TJP1: variants seen among roughly 807,000 people sequenced by gnomAD.
TJP1 encodes the protein tight junction protein 1.
A neutral mutation model predicts 194.2 loss-of-function variants in TJP1; 43 were observed. The ratio of observed to expected loss-of-function variants is 0.22; its 90% CI spans 0.17 to 0.29. The LOEUF (loss-of-function observed/expected upper bound fraction) is 0.29. TJP1 is among the 10% of genes least tolerant of loss of function. The probability of loss-of-function intolerance (pLI) is 1.00; values close to 1 mark genes in which losing one functional copy is unlikely to be tolerated. For synonymous variants in TJP1, 801 were observed against 779.0 expected (o/e 1.03, Z -0.47); for missense variants, 1,971 against 2,185.7 (o/e 0.90, Z 1.96).
At chr15:29,833,881 A>ATATATATATATATATTTTTTTTTT (rs1555434000) in intron 2 of TJP1, among the ~76,000 whole-genome samples, 1 of 12,616 alleles carries the variant, frequency 7.9e-5, no homozygotes, top group Non-Finnish European at 1.4e-4. Context: ...ATATATATAT[A>ATATATATATATATATTTTTTTTTT]TTTTTTTTTT....
At chr15:29,722,871 C>T (rs541825622) in intron 18 of TJP1, among the ~76,000 whole-genome samples, 7 of 152,290 alleles carry the variant, frequency 4.6e-5, no homozygotes, top group South Asian at 4.1e-4. Context: ...GTGGAGTCAA[C>T]GGAGATTATT....
intron 1 of TJP1, among the ~76,000 whole-genome samples, chr15:29,808,445 A>G (rs1234608511): frequency 6.6e-6 from 1 of 152,204 alleles, no homozygotes; most frequent in Non-Finnish European, 1.5e-5. Context: ...CTTTGAAAAT[A>G]TATCAATCTG....
intron 2 of TJP1, among the ~76,000 whole-genome samples, chr15:29,954,965 A>T (rs1464300761): frequency 6.6e-6 from 1 of 152,036 alleles, no homozygotes; most frequent in Non-Finnish European, 1.5e-5. Flanking sequence ...CTGTAATCCC[A>T]GCTACTCAGG....
intron 2 of TJP1, among the ~76,000 whole-genome samples, chr15:29,938,714 A>C (rs1431753839): frequency 6.6e-6 from 1 of 152,264 alleles, no homozygotes; most frequent in Non-Finnish European, 1.5e-5. Flanking sequence ...TCGAACAATG[A>C]AAATAACTTT....
At chr15:29,935,656 T>C (rs534922575) in intron 2 of TJP1, among the ~76,000 whole-genome samples, 1 of 152,222 alleles carries the variant, frequency 6.6e-6, no homozygotes, top group African/African-American at 2.4e-5. Context: ...TGCCAATCTC[T>C]TAAATGCTCA....
At chr15:29,825,965 G>A (rs559415227), upstream of TJP1, among the ~76,000 whole-genome samples, 1 of 152,188 alleles carries the variant, frequency 6.6e-6, no homozygotes, top group African/African-American at 2.4e-5. Context: ...ATTTTAAAAC[G>A]ATCTTAGAGG....
chr15:29,928,571 C>G, intron 2 of TJP1, among the ~76,000 whole-genome samples: 1 of 152,190 alleles, frequency 6.6e-6, no homozygotes, highest in East Asian at 1.9e-4. Context: ...GAGACATAGA[C>G]AAGATAACTC....
intron 8 of TJP1, among the ~76,000 whole-genome samples, chr15:29,746,444 T>C (rs749249850): frequency 6.6e-6 from 1 of 151,518 alleles, no homozygotes; most frequent in Non-Finnish European, 1.5e-5. Flanking sequence ...GATTACAGAA[T>C]ACATATAGCA....
chr15:29,740,780 C>T (rs1003693455), intron 10 of TJP1, among the ~76,000 whole-genome samples: 1 of 152,052 alleles, frequency 6.6e-6, no homozygotes, highest in Non-Finnish European at 1.5e-5. Context: ...TTTTGGGTTG[C>T]TAACTACCCT....
intron 1 of TJP1, among the ~76,000 whole-genome samples, chr15:29,815,452 C>T (rs1251176865): frequency 6.6e-6 from 1 of 152,194 alleles, no homozygotes; most frequent in Non-Finnish European, 1.5e-5. Flanking sequence ...CATAAACTAT[C>T]TTTTTATTTA....
Position 29,706,432 on chromosome 15 carries a change from G to A in TJP1, c.4851-687C>T, listed in dbSNP as rs997765690. Among the ~76,000 whole-genome samples the A allele has an allele frequency of 5.3e-5, 8 of 152,082 alleles. No homozygotes were observed. The East Asian group carries it at 7.7e-4, about 15-fold the overall frequency. ...TGAAAATCTGAAATGCTCCAAAATC[G>A]GAAACTTTTTTTTGAGTGTCAAAAT... On this transcript the variant is annotated intron_variant, in intron 25 of 27. Coordinates refer to ENST00000614355, the MANE Select transcript of TJP1 (RefSeq NM_001330239.4).
chr15:29,758,110 C>T (rs962735269), intron 8 of TJP1, among the ~76,000 whole-genome samples: 1 of 152,180 alleles, frequency 6.6e-6, no homozygotes, highest in Non-Finnish European at 1.5e-5. Context: ...ATACATCTAA[C>T]CTACAAACTT....
intron 2 of TJP1, among the ~76,000 whole-genome samples, chr15:29,914,092 GA>G (rs767828611): frequency 6.6e-6 from 1 of 152,120 alleles, no homozygotes; most frequent in Non-Finnish European, 1.5e-5. Flanking sequence ...TATAGTATTG[GA>G]ATAAGCTGAA....
intron 2 of TJP1, among the ~76,000 whole-genome samples, chr15:29,827,742 G>A (rs1215451510): frequency 6.6e-6 from 1 of 152,086 alleles, no homozygotes; most frequent in Non-Finnish European, 1.5e-5. Flanking sequence ...GGAAACCCTG[G>A]AAGAAAAGAA....
At chr15:29,716,012 G>C (rs1212197497) in intron 23 of TJP1, among the ~76,000 whole-genome samples, 1 of 152,104 alleles carries the variant, frequency 6.6e-6, no homozygotes, top group Non-Finnish European at 1.5e-5. Flanking sequence ...ACCAGTAGGA[G>C]ACACAAACCC....
At chr15:29,750,699 T>G (rs1299936105) in intron 8 of TJP1, among the ~76,000 whole-genome samples, 1 of 152,222 alleles carries the variant, frequency 6.6e-6, no homozygotes, top group Non-Finnish European at 1.5e-5. Flanking sequence ...AATGAAGCGC[T>G]GAACATTCAC....
At chr15:29,930,455 T>C (rs2152269318) in intron 2 of TJP1, among the ~76,000 whole-genome samples, 1 of 152,178 alleles carries the variant, frequency 6.6e-6, no homozygotes, top group East Asian at 1.9e-4. Context: ...ATTCATCACA[T>C]TGACAGACTA....
At chr15:29,783,355 CAG>C (rs1441045027) in intron 2 of TJP1, among the ~76,000 whole-genome samples, 2 of 152,018 alleles carry the variant, frequency 1.3e-5, no homozygotes, top group East Asian at 1.9e-4. Flanking sequence ...AAAAAAATAA[CAG>C]ATGCTGGCAA....
chr15:29,848,861 A>G (rs2152078533), intron 2 of TJP1, among the ~76,000 whole-genome samples: 1 of 152,150 alleles, frequency 6.6e-6, no homozygotes, highest in South Asian at 2.1e-4. Context: ...CCATCTCAAA[A>G]TAAAAAAAAA....
Sources: allele counts gnomAD v4.1 joint callset (sites outside exome capture counted in the v4.1 genomes callset), GRCh38; gene constraint gnomAD v4.1.1; transcripts MANE v1.5; gene names NCBI Gene and HGNC (gene_info 2026-07-23, HGNC 2026-07-21).